The following UFSP2 variants were observed in gnomAD, a reference collection of about 807,000 sequenced individuals.
UFSP2 encodes the protein UFM1 specific peptidase 2, also known as ufm1-specific protease 2.
In UFSP2, 43 loss-of-function variants were observed where a neutral mutation model predicts 60.2. That is an observed-to-expected ratio of 0.71 (90% CI 0.56 to 0.92). UFSP2 has a LOEUF of 0.92. Among genes scored for constraint, UFSP2 ranks in the 40% least tolerant of loss-of-function variants. UFSP2 has a pLI of 0.00. For missense variants in UFSP2, 520 were observed against 575.0 expected, an observed-to-expected ratio of 0.90 and a Z score of 0.98; for synonymous variants, 183 against 195.1, an observed-to-expected ratio of 0.94 and a Z score of 0.52.
intron 1 of UFSP2, among the ~76,000 whole-genome samples, chr4:185,425,523 T>G (rs922481803): frequency 4.6e-5 from 7 of 152,152 alleles, no homozygotes. Flanking sequence ...CCACGGGAAC[T>G]AGGGGAATAT....
chr4:185,405,818 G>C lies in UFSP2; in HGVS notation c.1160C>G (p.Ala387Gly), dbSNP rs1353285369. 1 of 1,614,004 alleles carries C rather than the reference G, an allele frequency of 6.2e-7. No homozygotes were observed. Among genetic ancestry groups the C allele is most frequent in the Non-Finnish European group, 8.5e-7 (1 of 1,179,990 alleles). ...AGTTCCTTCACTTTGGAAATGATTA[G>C]CCAGTTCCCGTCCTTGAGAGGCAAT... is the stretch of plus-strand genomic sequence containing the variant. ...SEIASQGRELANHFQSEGTPV... is the reference protein window; with the variant it reads ...SEIASQGRELGNHFQSEGTPV... Residue 387 changes from alanine (A) to glycine (G), a missense_variant, in exon 10 of 12, where the codon GCT (alanine) becomes GGT (glycine). Ala to Gly is a moderately conservative substitution (Grantham distance 60). Coordinates refer to ENST00000264689, the MANE Select transcript of UFSP2 (RefSeq NM_018359.5).
At chr4:185,411,020 CAATA>C (rs1307245779) in intron 7 of UFSP2, among the ~76,000 whole-genome samples, 2 of 144,198 alleles carry the variant, frequency 1.4e-5, no homozygotes, top group African/African-American at 5.1e-5. Context: ...AGAAGAAAGA[CAATA>C]AATCAAAGAA....
intron 5 of UFSP2, 72 bp downstream of exon 5, chr4:185,415,638 C>T (rs2153288557): frequency 7.6e-7 from 1 of 1,308,336 alleles, no homozygotes; most frequent in East Asian, 2.3e-5. Context: ...GGTATACCTA[C>T]AGGATATACA....
chr4:185,417,682 A>G (rs2095541159), intron 4 of UFSP2, among the ~76,000 whole-genome samples: 1 of 152,036 alleles, frequency 6.6e-6, no homozygotes, highest in Non-Finnish European at 1.5e-5. Context: ...ACGCATCTCC[A>G]TTTTCTATCT....
rs10002982 is a variant in UFSP2 at position 185,422,228 on chromosome 4, T to C, written c.82+257A>G. Among the ~76,000 whole-genome samples, 1,703 of 152,316 alleles carry C rather than the reference T, an allele frequency of 0.011. 29 individuals carry two copies. The highest frequency in any genetic ancestry group is 0.039 in the African/African-American group (1,628 of 41,548). On this transcript the variant is annotated intron_variant, in intron 2 of 11. Transcript: ENST00000264689. Reference sequence around the variant, plus strand: ...TGCTCATTGTGGATATTTACATTTATTGTAACAATTAATGAAGAGGGGAGT... The same window carrying C: ...TGCTCATTGTGGATATTTACATTTACTGTAACAATTAATGAAGAGGGGAGT...
At chr4:185,417,679 T>G (rs1036800013) in intron 4 of UFSP2, among the ~76,000 whole-genome samples, 1 of 152,160 alleles carries the variant, frequency 6.6e-6, no homozygotes, top group African/African-American at 2.4e-5. Context: ...AAGACGCATC[T>G]CCATTTTCTA....
At chr4:185,406,425 T>C (rs1285739774) in intron 9 of UFSP2, among the ~76,000 whole-genome samples, 1 of 152,158 alleles carries the variant, frequency 6.6e-6, no homozygotes, top group Admixed American at 6.5e-5. Context: ...AAGAGAAAGA[T>C]AGATGGGATA....
chr4:185,422,074 T>C (rs1350165664), intron 2 of UFSP2, among the ~76,000 whole-genome samples: 3 of 152,240 alleles, frequency 2.0e-5, no homozygotes, highest in African/African-American at 7.2e-5. Context: ...CCTGTTGATT[T>C]TTCTTCCATA....
chr4:185,425,884 G>GC lies in UFSP2; in HGVS notation c.-17_-16insG. On this transcript the variant is annotated 5_prime_UTR_variant, in exon 1 of 12. Transcript: ENST00000264689. ...TACTCACCATGTCCGCGACGTGGCG[G>GC]TGACACGGGCGCTGACGCCTGCCCA... 1 of 1,600,512 alleles carries GC rather than the reference G, an allele frequency of 6.2e-7. No individual in the cohort carries two copies. The highest frequency in any genetic ancestry group is 1.1e-5 in the South Asian group (1 of 89,034).
In UFSP2 at chr4:185,422,526, C is replaced by G. The variant is rs754455199; in HGVS notation, c.41G>C (p.Arg14Thr). 1.7e-5 allele frequency: 28 copies of G among 1,611,716 alleles called. No individual in the cohort carries two copies. Among genetic ancestry groups the G allele is most frequent in the Middle Eastern group, 1.6e-4 (1 of 6,076 alleles). The change falls in exon 2 of 12, where the codon AGA becomes ACA. Residue 14 changes from arginine (R) to threonine (T), a missense_variant. Transcript: ENST00000264689. ...CTGAAAAGCCAAATCAAGGCCTCCT[C>G]TTATTCTGAAGAGTATATCCATACT... ...SESMDILFRI[R>T]GGLDLAFQLA...
intron 4 of UFSP2, 41 bp from the exon 5 acceptor site, chr4:185,415,908 A>C: frequency 6.7e-7 from 1 of 1,490,618 alleles, no homozygotes; most frequent in Non-Finnish European, 9.1e-7. Context: ...TAGTGCATTA[A>C]ACACTAAATA....
chr4:185,408,289 T>G lies in UFSP2; in HGVS notation c.978A>C (p.Thr326=). 6.2e-7 allele frequency: 1 copy of G among 1,614,138 alleles called. No homozygotes were observed. The highest frequency in any genetic ancestry group is 8.5e-7 in the Non-Finnish European group (1 of 1,179,986). ...TCTGTACCTGCTGAATTTCTCTGTG[T>G]GTTGGAATGGACCTCTCTGTGTATC... ...HQGYTERSIP[T]HREIQQALVD... The change falls in exon 8 of 12, where the codon ACA becomes ACC. Residue 326 remains threonine (T), a synonymous_variant. Coordinates refer to ENST00000264689, the MANE Select transcript of UFSP2 (RefSeq NM_018359.5).
intron 2 of UFSP2, 132 bp from the exon 3 acceptor site, chr4:185,418,902 A>T (rs1213958440): frequency 1.5e-6 from 1 of 688,150 alleles, no homozygotes; most frequent in African/African-American, 1.8e-5. Flanking sequence ...TAATTTCAAA[A>T]TTTTTTGCCT....
In UFSP2 at chr4:185,400,333, G is replaced by T; in HGVS notation, c.*59C>A. The T allele has an allele frequency of 7.5e-7, 1 of 1,339,348 alleles. No homozygotes were observed. The highest frequency in any genetic ancestry group is 1.3e-5 in the South Asian group (1 of 78,256). 83.0% of individuals were successfully genotyped at this position (1,339,348 alleles called of 1,614,324 possible). On this transcript the variant is annotated 3_prime_UTR_variant, in exon 12 of 12. Transcript: ENST00000264689. ...AGGATTTAATGTGAAAAATTAAACT[G>T]ATTCTTTATTCACAAATTTATAATA... is the stretch of plus-strand genomic sequence containing the variant.
At chr4:185,402,454 A>AT in intron 11 of UFSP2, 2 of 371,774 alleles carry the variant, frequency 5.4e-6, no homozygotes, top group South Asian at 4.2e-5. Flanking sequence ...AACTGAGGAT[A>AT]TAACAGAGTT....
Position 185,400,265 on chromosome 4 carries a change from A to C in UFSP2, c.*127T>G. 6.1e-6 allele frequency: 5 copies of C among 825,608 alleles called. No individual in the cohort carries two copies. Among genetic ancestry groups the C allele is most frequent in the South Asian group, 5.4e-5 (3 of 55,080 alleles). The allele number at this position is 825,608 out of a possible 1,614,324, so 51.1% of individuals were successfully genotyped here. A position where few individuals can be genotyped will look rare whatever the true frequency, so the allele number is the denominator to read the frequency against. On this transcript the variant is annotated 3_prime_UTR_variant, in exon 12 of 12. Transcript: ENST00000264689. ...AATACATTCTCCGTGCAGTATTTAC[A>C]ACCTTTGAAAAAGGTCATAATTTAA...
intron 2 of UFSP2, among the ~76,000 whole-genome samples, chr4:185,419,171 G>A (rs899430150): frequency 8.0e-5 from 12 of 150,850 alleles, no homozygotes; most frequent in East Asian, 1.9e-4. Flanking sequence ...TCGCTCTGTC[G>A]CCCAGGCTGG....
rs767767010 is a variant in UFSP2 at position 185,418,489 on chromosome 4, ATCT to A, written c.282_284del (p.Glu94del). The A allele has an allele frequency of 3.7e-6, 6 of 1,612,172 alleles. No individual in the cohort carries two copies. Among genetic ancestry groups the A allele is most frequent in the East Asian group, 2.2e-5 (1 of 44,802 alleles). On this transcript the variant is annotated inframe_deletion, in exon 4 of 12. Coordinates refer to ENST00000264689, the MANE Select transcript of UFSP2 (RefSeq NM_018359.5). Reference sequence around the variant, plus strand: ...TCTTTCTCATGAATTTTCTTTTTATATCTTCTTCTGGCTCAAATCTAAATTTTT... The same window carrying A: ...TCTTTCTCATGAATTTTCTTTTTATATCTTCTGGCTCAAATCTAAATTTTT...
At chr4:185,411,588 CT>C (rs2095529431) in intron 7 of UFSP2, among the ~76,000 whole-genome samples, 1 of 151,890 alleles carries the variant, frequency 6.6e-6, no homozygotes, top group South Asian at 2.1e-4. Flanking sequence ...GAATGCACAT[CT>C]ATATTGTTGA....
Sources: gnomAD v4.1 joint callset for allele counts (sites outside exome capture counted in the v4.1 genomes callset) on GRCh38, gnomAD v4.1.1 for gene constraint, MANE v1.5 for transcripts, NCBI Gene and HGNC (gene_info 2026-07-23, HGNC 2026-07-21) for gene names.